Variants in PLA2G4A observed in about 807,000 individuals in gnomAD.
PLA2G4A encodes cytosolic phospholipase A2.
A neutral mutation model predicts 81.9 loss-of-function variants in PLA2G4A; 40 were observed. The ratio of observed to expected loss-of-function variants is 0.49; its 90% confidence interval spans 0.38 to 0.64. The LOEUF (loss-of-function observed/expected upper bound fraction) is 0.64. Ranked by LOEUF, PLA2G4A falls within the 30% of genes least tolerant of loss-of-function variation. PLA2G4A has a pLI of 0.00. For synonymous variants in PLA2G4A, 302 were observed against 296.9 expected (o/e 1.02, Z -0.18); for missense variants, 715 against 905.1 (o/e 0.79, Z 2.69).
chr1:186,893,857 G>A (rs7542659), intron 4 of PLA2G4A, among the ~76,000 whole-genome samples: 55,708 of 149,446 alleles, frequency 0.37, 12,175 homozygotes, highest in Non-Finnish European at 0.49. Flanking sequence ...CTGGGAGGTG[G>A]AGGTTGCAGT....
In PLA2G4A at chr1:186,983,094, A is replaced by AG. The variant is rs1186085819; in HGVS notation, c.2118+3622_2118+3623insG. Reference sequence around the variant, plus strand: ...GCAAGAGTCTGTCTCAAAAAAAAAAAAAAAAGAAAAGAAAAGAAAAGAAAA... The same window carrying AG: ...GCAAGAGTCTGTCTCAAAAAAAAAAAGAAAAAGAAAAGAAAAGAAAAGAAAA... On this transcript the variant is annotated intron_variant, in intron 17 of 17. Coordinates refer to ENST00000367466, the MANE Select transcript of PLA2G4A (RefSeq NM_024420.3). Among the ~76,000 whole-genome samples the AG allele has an allele frequency of 1.4e-3, 207 of 150,370 alleles. 2 individuals are homozygous for AG. Among genetic ancestry groups the AG allele is most frequent in the African/African-American group, 4.6e-3 (191 of 41,174 alleles).
intron 5 of PLA2G4A, among the ~76,000 whole-genome samples, chr1:186,895,329 G>A (rs932981264): frequency 3.3e-5 from 5 of 152,188 alleles, no homozygotes; most frequent in Admixed American, 6.5e-5. Flanking sequence ...AATGGCCCAG[G>A]TACCTTGAGG....
chr1:186,852,752 G>A (rs1350451893), intron 1 of PLA2G4A, among the ~76,000 whole-genome samples: 1 of 151,950 alleles, frequency 6.6e-6, no homozygotes, highest in African/African-American at 2.4e-5. Context: ...CATTAGCAAT[G>A]AAATTTCAAC....
chr1:186,946,955 G>C lies in PLA2G4A; in HGVS notation c.1258G>C (p.Glu420Gln), dbSNP rs188911054. The C allele has an allele frequency of 4.5e-5, 70 of 1,571,758 alleles. No homozygotes were observed. The East Asian group carries it at 1.3e-3, about 30-fold the overall frequency. ...AAGCAGAGGCTCCACAATGGAGGAA[G>C]AATTAGGTATCCTAAAGATATGCTT... Reference protein sequence around the residue: ...SQSRGSTMEEELENITTKHIV... With the variant: ...SQSRGSTMEEQLENITTKHIV... Residue 420 changes from glutamate to glutamine, a missense_variant, in exon 12 of 18, where the codon GAA (glutamate) becomes CAA (glutamine). Glu to Gln is a conservative substitution (Grantham distance 29, BLOSUM62 2). Coordinates refer to ENST00000367466, the MANE Select transcript of PLA2G4A (RefSeq NM_024420.3).
chr1:186,864,110 G>A (rs1652924623), intron 2 of PLA2G4A, among the ~76,000 whole-genome samples: 1 of 152,128 alleles, frequency 6.6e-6, no homozygotes, highest in Non-Finnish European at 1.5e-5. Context: ...GTTCATCCCT[G>A]TTGGAACAAA....
chr1:186,981,970 T>A lies in PLA2G4A; in HGVS notation c.2118+2498T>A, dbSNP rs193288457. ...ATCGTCCTTGAATAAATTGTGACTATCTGTAATAAAAAAAGTGATCAGATG... is the reference window on the plus strand; with the variant it reads ...ATCGTCCTTGAATAAATTGTGACTAACTGTAATAAAAAAAGTGATCAGATG... On this transcript the variant is annotated intron_variant, in intron 17 of 17. Coordinates refer to ENST00000367466, the MANE Select transcript of PLA2G4A (RefSeq NM_024420.3). Among the ~76,000 whole-genome samples, 3 of 152,282 alleles carry A rather than the reference T, an allele frequency of 2.0e-5. No individual in the cohort carries two copies. The East Asian group carries it at 5.8e-4, about 29-fold the overall frequency.
intron 2 of PLA2G4A, among the ~76,000 whole-genome samples, chr1:186,868,215 C>T (rs1431495214): frequency 6.6e-6 from 1 of 151,456 alleles, no homozygotes; most frequent in East Asian, 1.9e-4. Flanking sequence ...GCTGGGATTA[C>T]AGGCACACAC....
chr1:186,924,131 A>C (rs2102185228), intron 7 of PLA2G4A, among the ~76,000 whole-genome samples: 2 of 152,322 alleles, frequency 1.3e-5, no homozygotes, highest in South Asian at 2.1e-4. Context: ...GATCACTCTC[A>C]ACCTGTATTG....
intron 14 of PLA2G4A, among the ~76,000 whole-genome samples, chr1:186,961,116 A>G (rs1656926285): frequency 6.6e-6 from 1 of 152,056 alleles, no homozygotes; most frequent in African/African-American, 2.4e-5. Flanking sequence ...TGTTATGTGC[A>G]ATCTAAAAAA....
chr1:186,845,552 C>A (rs905630020), intron 1 of PLA2G4A, among the ~76,000 whole-genome samples: 1 of 152,076 alleles, frequency 6.6e-6, no homozygotes, highest in Non-Finnish European at 1.5e-5. Context: ...AATGCTCAAC[C>A]TTTTAATATC....
At chr1:186,931,267 T>A (rs530254240) in intron 7 of PLA2G4A, among the ~76,000 whole-genome samples, 1 of 152,192 alleles carries the variant, frequency 6.6e-6, no homozygotes, top group South Asian at 2.1e-4. Flanking sequence ...CATGTACACA[T>A]ATATACACAT....
chr1:186,893,656 A>G (rs1276697410), intron 4 of PLA2G4A, among the ~76,000 whole-genome samples: 1 of 152,088 alleles, frequency 6.6e-6, no homozygotes, highest in Non-Finnish European at 1.5e-5. Context: ...TTGGCCGGGC[A>G]CTGTGGCTCA....
intron 9 of PLA2G4A, among the ~76,000 whole-genome samples, chr1:186,939,664 G>A (rs1237713797): frequency 6.6e-6 from 1 of 152,172 alleles, no homozygotes; most frequent in Non-Finnish European, 1.5e-5. Context: ...ATGTTTCGTT[G>A]AAGATAAAGC....
rs114692444 is a variant in PLA2G4A at position 186,866,041 on chromosome 1, G to C, written c.34-4394G>C. Among the ~76,000 whole-genome samples the C allele has an allele frequency of 1.7e-3, 253 of 152,240 alleles. 3 individuals carry two copies. Among genetic ancestry groups the C allele is most frequent in the African/African-American group, 6.0e-3 (249 of 41,562 alleles). On this transcript the variant is annotated intron_variant, in intron 2 of 17. Transcript: ENST00000367466. ...CAATTGAAATATGACATCTCTCTCTGCCAACTACCAGCCACCATTGTCCTG... is the reference window on the plus strand; with the variant it reads ...CAATTGAAATATGACATCTCTCTCTCCCAACTACCAGCCACCATTGTCCTG...
chr1:186,947,078 A>G, intron 12 of PLA2G4A, 117 bp downstream of exon 12: 1 of 673,942 alleles, frequency 1.5e-6, no homozygotes, highest in Non-Finnish European at 2.6e-6. Flanking sequence ...AAATTTATTA[A>G]TAATTTGGTT....
chr1:186,864,645 G>GCATTATT (rs145025987), intron 2 of PLA2G4A, among the ~76,000 whole-genome samples: 2 of 147,104 alleles, frequency 1.4e-5, no homozygotes, highest in African/African-American at 2.5e-5. Context: ...TTAAAAATCA[G>GCATTATT]ATTATTATTA....
chr1:186,893,160 G>C lies in PLA2G4A; in HGVS notation c.264+1G>C, dbSNP rs1208065602. ...TCCTAATCAGGAAAATGTTTTGGAG[G>C]TAAGTGAACCATTTGGATGCTGTTA... On this transcript the variant is annotated splice_donor_variant, in intron 4 of 17. Transcript: ENST00000367466. LOFTEE classifies it high-confidence loss of function. 3 of 1,610,726 alleles carry C rather than the reference G, an allele frequency of 1.9e-6. No individual in the cohort carries two copies. The highest frequency in any genetic ancestry group is 2.5e-6 in the Non-Finnish European group (3 of 1,177,148).
chr1:186,927,820 A>G (rs879881051), intron 7 of PLA2G4A, among the ~76,000 whole-genome samples: 1 of 152,192 alleles, frequency 6.6e-6, no homozygotes, highest in Admixed American at 6.5e-5. Context: ...GAAGGAGATA[A>G]GAGAAATCAA....
chr1:186,926,029 C>A (rs1287604623), intron 7 of PLA2G4A, among the ~76,000 whole-genome samples: 1 of 152,208 alleles, frequency 6.6e-6, no homozygotes, highest in East Asian at 1.9e-4. Context: ...GAAACAGGAA[C>A]ACGAGTATCA....
Sources: gnomAD v4.1 joint callset for allele counts (sites outside exome capture counted in the v4.1 genomes callset) on GRCh38, gnomAD v4.1.1 for gene constraint, MANE v1.5 for transcripts, NCBI Gene and HGNC (gene_info 2026-07-23, HGNC 2026-07-21) for gene names.